The following ABCA9 variants were observed in gnomAD, a reference collection of about 807,000 sequenced individuals.
The protein encoded by ABCA9 is ATP-binding cassette sub-family A member 9.
ABCA9 carries 183 observed loss-of-function variants against 205.3 expected under a neutral mutation model. The ratio of observed to expected loss-of-function variants is 0.89; its 90% confidence interval spans 0.79 to 1.01. The LOEUF (loss-of-function observed/expected upper bound fraction) is 1.01. Ranked by LOEUF, ABCA9 falls within the 50% of genes least tolerant of loss-of-function variation. ABCA9 has a pLI of 0.00. For synonymous variants in ABCA9, 651 were observed against 683.3 expected, an observed-to-expected ratio of 0.95 and a Z score of 0.74; for missense variants, 1,805 against 1,912.4, an observed-to-expected ratio of 0.94 and a Z score of 1.05.
At chr17:69,066,633 A>G in the ABCA9 span, among the ~76,000 whole-genome samples, 5 of 151,950 alleles carry the variant, frequency 3.3e-5, no homozygotes, top group Admixed American at 6.6e-5. Context: ...CTGTCACAAG[A>G]AAAAAAGGAA....
At chr17:69,033,901 A>G (rs766469449) in intron 8 of ABCA9, 28 bp from the exon 9 acceptor site, 1 of 1,522,108 alleles carries the variant, frequency 6.6e-7, no homozygotes, top group Non-Finnish European at 9.0e-7. Context: ...AGTGAATTTT[A>G]AAAGAATTAA....
At position 68,974,498 on chromosome 17, in the gene ABCA9, ATGGAAGTGTTTTATTTTCAAAAAC is replaced by A. The variant is rs2068855455; in HGVS notation, c.*1393_*1416del. ...CTCAGACGAATATTCTTACGGGTTGATGGAAGTGTTTTATTTTCAAAAACTAGAAGAATATAAGAACTAAAATCA... is the reference window on the plus strand; with the variant it reads ...CTCAGACGAATATTCTTACGGGTTGATAGAAGAATATAAGAACTAAAATCA... On this transcript the variant is annotated 3_prime_UTR_variant, in exon 39 of 39. Coordinates refer to ENST00000340001, the MANE Select transcript of ABCA9 (RefSeq NM_080283.4). The A allele has an allele frequency of 6.6e-6, 1 of 152,204 alleles. No individual in the cohort carries two copies. Among genetic ancestry groups the A allele is most frequent in the Admixed American group, 6.5e-5 (1 of 15,286 alleles). The allele number at this position is 152,204 out of a possible 1,614,324, so 9.4% of individuals were successfully genotyped here.
chr17:68,985,038 A>G lies in ABCA9; in HGVS notation c.4284+15T>C. 1 of 1,614,202 alleles carries G rather than the reference A, an allele frequency of 6.2e-7. No homozygotes were observed. Among genetic ancestry groups the G allele is most frequent in the Non-Finnish European group, 8.5e-7 (1 of 1,180,032 alleles). ...TCTACGGCACTTGCAGAGCAACAAC[A>G]AGCCCTGCCCGTACCTTTCGCTTTA... On this transcript the variant is annotated intron_variant, in intron 33 of 38. Transcript: ENST00000340001.
chr17:69,027,144 C>G (rs1324095056), intron 14 of ABCA9, 30 bp from the exon 15 acceptor site: 1 of 1,609,360 alleles, frequency 6.2e-7, no homozygotes, highest in East Asian at 2.2e-5. Context: ...TAAAGTAATT[C>G]CACCCTTTCG....
chr17:69,019,321 G>A (rs538886669), intron 19 of ABCA9, among the ~76,000 whole-genome samples: 19 of 152,104 alleles, frequency 1.2e-4, no homozygotes, highest in African/African-American at 4.3e-4. Context: ...TACTTCCTTA[G>A]TATTCATAAA....
At chr17:69,047,928 TCCTGTTC>T (rs2071774326) in intron 3 of ABCA9, among the ~76,000 whole-genome samples, 1 of 152,188 alleles carries the variant, frequency 6.6e-6, no homozygotes, top group Non-Finnish European at 1.5e-5. Flanking sequence ...AATAAAATCC[TCCTGTTC>T]CACCCATATG....
chr17:69,063,014 T>A (rs975427279), upstream of ABCA9, among the ~76,000 whole-genome samples: 3 of 152,186 alleles, frequency 2.0e-5, no homozygotes, highest in Non-Finnish European at 4.4e-5. Flanking sequence ...TAGGCATTAT[T>A]CTAATCAACC....
At chr17:69,008,530 A>G (rs1733185913) in intron 23 of ABCA9, among the ~76,000 whole-genome samples, 1 of 152,224 alleles carries the variant, frequency 6.6e-6, no homozygotes, top group South Asian at 2.1e-4. Flanking sequence ...TTGCAAGACT[A>G]TTCTTTCCTT....
chr17:69,007,454 C>T (rs1288837018), intron 25 of ABCA9, among the ~76,000 whole-genome samples: 2 of 152,100 alleles, frequency 1.3e-5, no homozygotes, highest in African/African-American at 2.4e-5. Flanking sequence ...GTGACAATTA[C>T]ATTTCCGGTA....
Position 69,032,114 on chromosome 17 carries a change from G to C in ABCA9, c.1439C>G (p.Ala480Gly), listed in dbSNP as rs2071169582. ...CAAGTAATTTATTGGTTACCTGATGGCTTCTTTCCCACAGAATTCTGGAGA... is the reference window on the plus strand; with the variant it reads ...CAAGTAATTTATTGGTTACCTGATGCCTTCTTTCCCACAGAATTCTGGAGA... ...PVSPEFCGKE[A>G]IRIKNLKKEY... The change falls in exon 10 of 39, where the codon GCC becomes GGC. Residue 480 changes from alanine (A) to glycine (G), a missense_variant. By Grantham distance (60) the Ala-to-Gly change is moderately conservative (BLOSUM62 0). Transcript: ENST00000340001. The C allele has an allele frequency of 6.2e-7, 1 of 1,609,038 alleles. No homozygotes were observed. The highest frequency in any genetic ancestry group is 8.5e-7 in the Non-Finnish European group (1 of 1,177,928).
intron 3 of ABCA9, among the ~76,000 whole-genome samples, chr17:69,048,735 G>C (rs1598411859): frequency 6.6e-6 from 1 of 152,296 alleles, no homozygotes; most frequent in East Asian, 1.9e-4. Context: ...CTGCTTTCTG[G>C]TGGGTAATTA....
intron 29 of ABCA9, among the ~76,000 whole-genome samples, 163 bp downstream of exon 29, chr17:68,990,674 C>T (rs2069419534): frequency 6.6e-6 from 1 of 152,186 alleles, no homozygotes; most frequent in African/African-American, 2.4e-5. Context: ...TTTCTTTGCT[C>T]TCTTACATTT....
intron 6 of ABCA9, among the ~76,000 whole-genome samples, chr17:69,036,368 A>G (rs1317279147): frequency 6.6e-6 from 1 of 152,138 alleles, no homozygotes; most frequent in Non-Finnish European, 1.5e-5. Flanking sequence ...GCCACAAAAT[A>G]TTATTGTTCA....
chr17:69,049,672 C>T (rs2071837770), intron 2 of ABCA9, among the ~76,000 whole-genome samples, 182 bp from the exon 3 acceptor site: 1 of 152,132 alleles, frequency 6.6e-6, no homozygotes, highest in African/African-American at 2.4e-5. Flanking sequence ...AAAATATGCA[C>T]ATTGTCTACC....
At chr17:69,035,050 G>A in intron 8 of ABCA9, 196 bp downstream of exon 8, 2 of 400,434 alleles carry the variant, frequency 5.0e-6, no homozygotes, top group Non-Finnish European at 8.7e-6. Context: ...AATAATAAGG[G>A]TATGATCCTA....
At chr17:68,994,171 T>C (rs1240965549) in intron 26 of ABCA9, among the ~76,000 whole-genome samples, 3 of 152,218 alleles carry the variant, frequency 2.0e-5, no homozygotes, top group Non-Finnish European at 4.4e-5. Flanking sequence ...CCACCGCACC[T>C]GGCCTCTGCC....
At chr17:69,073,916 G>T in the ABCA9 span, among the ~76,000 whole-genome samples, 1 of 151,978 alleles carries the variant, frequency 6.6e-6, no homozygotes, top group Admixed American at 6.6e-5. Flanking sequence ...TGCCCAGGAT[G>T]GTCTTGAACT....
In ABCA9 at chr17:68,986,208, G is replaced by T. The variant is rs370508226; in HGVS notation, c.4164C>A (p.Ala1388=). The T allele has an allele frequency of 2.5e-6, 4 of 1,613,304 alleles. No homozygotes were observed. In the South Asian group the frequency reaches 4.4e-5, roughly 18 times the overall value. ...CGTCCCCTTTCCTGAGACCTTTCACGGCAGCGTACACCTCCAGGTGCTGCC... is the reference window on the plus strand; with the variant it reads ...CGTCCCCTTTCCTGAGACCTTTCACTGCAGCGTACACCTCCAGGTGCTGCC... ...TVRQHLEVYA[A]VKGLRKGDAM... is the part of the protein sequence containing the mutation. The change falls in exon 32 of 39, where the codon GCC becomes GCA. Residue 1388 remains alanine, a synonymous_variant. Transcript: ENST00000340001.
chr17:69,077,059 G>T, the ABCA9 span, among the ~76,000 whole-genome samples: 8 of 151,904 alleles, frequency 5.3e-5, no homozygotes, highest in East Asian at 9.7e-4. Context: ...CTAGTTTTGG[G>T]ATTTTGTTCT....
Sources: allele counts gnomAD v4.1 joint callset (sites outside exome capture counted in the v4.1 genomes callset), GRCh38; gene constraint gnomAD v4.1.1; transcripts MANE v1.5; gene names NCBI Gene and HGNC (gene_info 2026-07-23, HGNC 2026-07-21).